RAP1B: variants seen among roughly 807,000 people sequenced by gnomAD.
RAP1B encodes RAP1B, member of RAS oncogene family, also known as ras-related protein Rap-1b.
Under a neutral mutation model 27.5 loss-of-function variants are expected in RAP1B, and 1 was observed. That is an observed-to-expected ratio of 0.04 (90% CI 0.01 to 0.17). The LOEUF (loss-of-function observed/expected upper bound fraction) is 0.17. Among genes scored for constraint, RAP1B ranks in the 10% least tolerant of loss-of-function variants. RAP1B has a pLI of 1.00. For synonymous variants in RAP1B, 75 were observed against 73.1 expected (o/e 1.03, Z -0.13); for missense variants, 84 against 214.8 (o/e 0.39, Z 3.81).
At chr12:68,651,642 C>G (rs182420657) in intron 3 of RAP1B, 70 of 213,472 alleles carry the variant, frequency 3.3e-4, no homozygotes, top group Non-Finnish European at 5.9e-4. Context: ...GACAGAATTA[C>G]TTATGATACT....
chr12:68,642,475 G>A (rs1200750160), intron 1 of RAP1B: 8 of 842,636 alleles, frequency 9.5e-6, no homozygotes, highest in Middle Eastern at 7.8e-4. Flanking sequence ...TGTCCAGAAT[G>A]TGTAATACAA....
intron 1 of RAP1B, among the ~76,000 whole-genome samples, chr12:68,622,935 C>T (rs1337468648): frequency 2.0e-5 from 3 of 152,166 alleles, no homozygotes; most frequent in Non-Finnish European, 2.9e-5. Context: ...CTACTGGGCT[C>T]AAGGATCTTC....
intron 1 of RAP1B, among the ~76,000 whole-genome samples, chr12:68,637,755 A>C (rs1250514712): frequency 6.6e-6 from 1 of 151,930 alleles, no homozygotes; most frequent in African/African-American, 2.4e-5. Flanking sequence ...ATTTACTTTT[A>C]AGTGTATAAG....
At chr12:68,648,022 T>C (rs1873546853) in intron 1 of RAP1B, 2 of 152,264 alleles carry the variant, frequency 1.3e-5, no homozygotes, top group South Asian at 4.1e-4. Flanking sequence ...TCTCATGTAA[T>C]GCCCCCACCC....
At position 68,659,332 on chromosome 12, in the gene RAP1B, A is replaced by T. The variant is rs1255177462; in HGVS notation, c.*83A>T. 1 of 455,672 alleles carries T rather than the reference A, an allele frequency of 2.2e-6. No homozygotes were observed. The highest frequency in any genetic ancestry group is 2.4e-5 in the Admixed American group (1 of 42,434). The allele number at this position is 455,672 out of a possible 1,614,324, so 28.2% of individuals were successfully genotyped here. A position where few individuals can be genotyped will look rare whatever the true frequency, so the allele number is the denominator to read the frequency against. On this transcript the variant is annotated 3_prime_UTR_variant, in exon 8 of 8. Coordinates refer to ENST00000250559, the MANE Select transcript of RAP1B (RefSeq NM_001010942.3). ...AGTGCCAGCATTCCAACTTTGTTAA[A>T]CCTACCAACATCTTAAATGGACTTT... is the stretch of plus-strand genomic sequence containing the variant.
intron 1 of RAP1B, among the ~76,000 whole-genome samples, chr12:68,626,382 A>G (rs2135926983): frequency 6.6e-6 from 1 of 152,346 alleles, no homozygotes; most frequent in South Asian, 2.1e-4. Flanking sequence ...CCTAACTAAT[A>G]GGGATATTTC....
rs1874889017 is a variant in RAP1B, at chr12:68,667,138, TTC to T, written c.*7891_*7892del. On this transcript the variant is annotated 3_prime_UTR_variant, in exon 8 of 8. Coordinates refer to ENST00000250559, the MANE Select transcript of RAP1B (RefSeq NM_001010942.3). ...GATCTAATAGTAATATAACAAACTT[TTC>T]TTTTTCATTTTCAGACATATCCAGA... The T allele has an allele frequency of 6.6e-6, 1 of 152,220 alleles. No individual in the cohort carries two copies. The highest frequency in any genetic ancestry group is 2.4e-5 in the African/African-American group (1 of 41,446). The allele number at this position is 152,220 out of a possible 1,614,324, so 9.4% of individuals were successfully genotyped here. A position where few individuals can be genotyped will look rare whatever the true frequency, so the allele number is the denominator to read the frequency against.
At position 68,610,900 on chromosome 12, in the gene RAP1B, A is replaced by G. The variant is rs1870509204; in HGVS notation, c.-170A>G. ...AGGCTGAACGCCTGACGTCAAGGCGACATCGCCAAACCTCGCCCAGATTCA... is the reference window on the plus strand; with the variant it reads ...AGGCTGAACGCCTGACGTCAAGGCGGCATCGCCAAACCTCGCCCAGATTCA... On this transcript the variant is annotated 5_prime_UTR_variant, in exon 1 of 8. Coordinates refer to ENST00000250559, the MANE Select transcript of RAP1B (RefSeq NM_001010942.3). The G allele has an allele frequency of 6.8e-6, 2 of 293,586 alleles. No individual in the cohort carries two copies. The highest frequency in any genetic ancestry group is 6.3e-6 in the Non-Finnish European group (1 of 157,832). 18.2% of individuals were successfully genotyped at this position (293,586 alleles called of 1,614,324 possible). A position where few individuals can be genotyped will look rare whatever the true frequency, so the allele number is the denominator to read the frequency against.
rs1321914940 is a variant in RAP1B at position 68,626,791 on chromosome 12, T to G, written c.-27+15748T>G. 12 of 1,330,108 alleles carry G rather than the reference T, an allele frequency of 9.0e-6. No individual in the cohort carries two copies. The East Asian group carries it at 3.0e-4, about 34-fold the overall frequency. The allele number at this position is 1,330,108 out of a possible 1,614,324, so 82.4% of individuals were successfully genotyped here. Reference sequence around the variant, plus strand: ...TCCAGGGTGTTTTTTTTTTGTTGTTTGTTTGTTTGTTTGTTTTGGGTGGAC... The same window carrying G: ...TCCAGGGTGTTTTTTTTTTGTTGTTGGTTTGTTTGTTTGTTTTGGGTGGAC... On this transcript the variant is annotated intron_variant, in intron 1 of 7. Transcript: ENST00000250559.
chr12:68,650,659 A>G (rs769444304), intron 3 of RAP1B, 191 bp downstream of exon 3: 15 of 411,516 alleles, frequency 3.6e-5, no homozygotes, highest in Admixed American at 1.0e-4. Flanking sequence ...ATACTCTCAC[A>G]TATTCACAGA....
At chr12:68,640,663 C>T (rs560765214) in intron 1 of RAP1B, among the ~76,000 whole-genome samples, 59 of 152,188 alleles carry the variant, frequency 3.9e-4, no homozygotes, top group African/African-American at 1.3e-3. Flanking sequence ...CATTTTGTTA[C>T]GCTTTTTAGT....
intron 1 of RAP1B, among the ~76,000 whole-genome samples, chr12:68,628,459 A>G (rs374461613): frequency 2.0e-5 from 3 of 152,204 alleles, no homozygotes; most frequent in African/African-American, 7.2e-5. Flanking sequence ...GTATTTTTTA[A>G]TGACTTATTT....
intron 1 of RAP1B, among the ~76,000 whole-genome samples, chr12:68,611,346 A>T (rs182223928): frequency 0.12 from 14,144 of 113,326 alleles, 1,207 homozygotes; most frequent in South Asian, 0.4. Flanking sequence ...GAGCCCGAGG[A>T]CCCCCCCACC....
Position 68,664,419 on chromosome 12 carries a change from C to G in RAP1B, c.*5170C>G, listed in dbSNP as rs570347439. On this transcript the variant is annotated 3_prime_UTR_variant, in exon 8 of 8. Coordinates refer to ENST00000250559, the MANE Select transcript of RAP1B (RefSeq NM_001010942.3). ...AGTAGGAAGGAGTAAATGATATAAT[C>G]CAGTCTGGCCTGGCATGGTGGCTCA... 1 of 152,094 alleles carries G rather than the reference C, an allele frequency of 6.6e-6. No individual in the cohort carries two copies. Among genetic ancestry groups the G allele is most frequent in the Admixed American group, 6.6e-5 (1 of 15,256 alleles). 9.4% of individuals were successfully genotyped at this position (152,094 alleles called of 1,614,324 possible).
At chr12:68,615,300 G>A (rs1468293641) in intron 1 of RAP1B, among the ~76,000 whole-genome samples, 6 of 151,704 alleles carry the variant, frequency 4.0e-5, no homozygotes, top group South Asian at 4.2e-4. Context: ...AAAATGTGGG[G>A]GAAATGTACC....
rs190983916 is a variant in RAP1B at position 68,671,747 on chromosome 12, C to A, written c.*12498C>A. On this transcript the variant is annotated 3_prime_UTR_variant, in exon 8 of 8. Coordinates refer to ENST00000250559, the MANE Select transcript of RAP1B (RefSeq NM_001010942.3). ...CAGCGGGAGAAAAAACAGGATGACT[C>A]GTCTAGAAGAGACATTGTCAGTAAC... 1 of 151,692 alleles carries A rather than the reference C, an allele frequency of 6.6e-6. No individual in the cohort carries two copies. Among genetic ancestry groups the A allele is most frequent in the Non-Finnish European group, 1.5e-5 (1 of 67,990 alleles). The allele number at this position is 151,692 out of a possible 1,614,324, so 9.4% of individuals were successfully genotyped here. A position where few individuals can be genotyped will look rare whatever the true frequency, so the allele number is the denominator to read the frequency against.
At chr12:68,653,790 G>A (rs1300416378) in intron 4 of RAP1B, among the ~76,000 whole-genome samples, 4 of 152,002 alleles carry the variant, frequency 2.6e-5, no homozygotes, top group African/African-American at 9.7e-5. Flanking sequence ...AATTAGCCGG[G>A]CATGGTGGTG....
chr12:68,653,518 A>G (rs534015415), intron 4 of RAP1B, among the ~76,000 whole-genome samples: 2 of 152,314 alleles, frequency 1.3e-5, no homozygotes, highest in African/African-American at 4.8e-5. Context: ...GGTGCTTTAT[A>G]CATGATGATG....
intron 1 of RAP1B, among the ~76,000 whole-genome samples, chr12:68,614,796 A>T (rs1033940455): frequency 2.6e-5 from 4 of 152,214 alleles, no homozygotes; most frequent in Non-Finnish European, 5.9e-5. Flanking sequence ...TCTGGAAGCT[A>T]GTGTTTTTCT....
Sources: gnomAD v4.1 joint callset for allele counts (sites outside exome capture counted in the v4.1 genomes callset) on GRCh38, gnomAD v4.1.1 for gene constraint, MANE v1.5 for transcripts, NCBI Gene and HGNC (gene_info 2026-07-23, HGNC 2026-07-21) for gene names.